The following IL6ST variants were observed in gnomAD, a reference collection of about 807,000 sequenced individuals.
IL6ST encodes the protein interleukin 6 cytokine family signal transducer.
IL6ST carries 24 observed loss-of-function variants against 91.3 expected under a neutral mutation model. The observed-to-expected ratio is 0.26, with a 90% CI of 0.19 to 0.37. The LOEUF (loss-of-function observed/expected upper bound fraction) is 0.37, where lower values mean the gene tolerates loss of function less well. Ranked by LOEUF, IL6ST falls within the 10% of genes least tolerant of loss-of-function variation. The pLI is 1.00. For synonymous variants in IL6ST, 351 were observed against 373.6 expected (o/e 0.94, Z 0.70); for missense variants, 914 against 1,078.5 (o/e 0.85, Z 2.14).
chr5:55,941,657 T>C lies in IL6ST; in HGVS notation c.2182A>G (p.Ile728Val), dbSNP rs1397668339. 6.2e-7 allele frequency: 1 copy of C among 1,614,144 alleles called. No individual in the cohort carries two copies. The highest frequency in any genetic ancestry group is 1.3e-5 in the African/African-American group (1 of 75,060). ...KINTEGHSSG[I>V]GGSSCMSSSR... is the part of the protein sequence containing the mutation. ...GATGACATGCATGAAGACCCCCCAATACCACTGCTGTGTCCTTCAGTATTA... is the reference window on the plus strand; with the variant it reads ...GATGACATGCATGAAGACCCCCCAACACCACTGCTGTGTCCTTCAGTATTA... Residue 728 changes from isoleucine to valine, a missense_variant, in exon 17 of 17, where the codon ATT becomes GTT. Physicochemically the swap from Ile to Val is conservative, Grantham distance 29. Transcript: ENST00000381298.
intron 2 of IL6ST, 81 bp downstream of exon 2, chr5:55,982,643 T>C: frequency 7.6e-6 from 3 of 396,440 alleles, no homozygotes; most frequent in Non-Finnish European, 1.3e-5. Flanking sequence ...TCCTAAAGAA[T>C]CAGGTGAGTA....
At chr5:55,967,841 G>A (rs1219363674) in intron 5 of IL6ST, among the ~76,000 whole-genome samples, 5 of 151,944 alleles carry the variant, frequency 3.3e-5, no homozygotes, top group Non-Finnish European at 7.4e-5. Flanking sequence ...CTGTTACCCA[G>A]GCTGGAGTGT....
At chr5:55,962,077 A>C (rs1220735723) in intron 7 of IL6ST, among the ~76,000 whole-genome samples, 1 of 152,256 alleles carries the variant, frequency 6.6e-6, no homozygotes, top group East Asian at 1.9e-4. Context: ...ATAACTGGTC[A>C]TATTACTCTG....
intron 14 of IL6ST, among the ~76,000 whole-genome samples, chr5:55,949,495 T>A (rs1332623320): frequency 6.6e-6 from 1 of 151,768 alleles, no homozygotes; most frequent in Non-Finnish European, 1.5e-5. Context: ...AAACAAAAAA[T>A]ATACATATGG....
At chr5:55,982,454 C>T (rs1328310342) in intron 2 of IL6ST, among the ~76,000 whole-genome samples, 2 of 152,104 alleles carry the variant, frequency 1.3e-5, no homozygotes, top group African/African-American at 4.8e-5. Flanking sequence ...TGTGAATAAA[C>T]TGCCAGAAGT....
At chr5:55,972,753 C>T (rs1047368471) in intron 3 of IL6ST, among the ~76,000 whole-genome samples, 1 of 151,862 alleles carries the variant, frequency 6.6e-6, no homozygotes, top group African/African-American at 2.4e-5. Context: ...GTCTGTAATC[C>T]CAGCACTTTG....
chr5:55,940,133 G>GTATATGTGTGTATA lies in IL6ST; in HGVS notation c.*948_*949insTATACACACATATA, dbSNP rs1554022476. 3.8e-5 allele frequency: 7 copies of GTATATGTGTGTATA among 183,860 alleles called. No homozygotes were observed. In the East Asian group the frequency reaches 5.8e-4, roughly 15 times the overall value. The allele number at this position is 183,860 out of a possible 1,614,324, so 11.4% of individuals were successfully genotyped here. A position where few individuals can be genotyped will look rare whatever the true frequency, so the allele number is the denominator to read the frequency against. ...TAAGAAAAGTCAATGATATGTGTGT[G>GTATATGTGTGTATA]TATATATATATATATATATACACAC... On this transcript the variant is annotated 3_prime_UTR_variant, in exon 17 of 17. Coordinates refer to ENST00000381298, the MANE Select transcript of IL6ST (RefSeq NM_002184.4).
At chr5:55,987,973 A>T (rs1418706568) in intron 1 of IL6ST, among the ~76,000 whole-genome samples, 2 of 152,162 alleles carry the variant, frequency 1.3e-5, no homozygotes, top group South Asian at 4.1e-4. Flanking sequence ...TCTACTAAAA[A>T]TATGAAAATT....
At position 55,940,208 on chromosome 5, in the gene IL6ST, GT is replaced by G. The variant is rs910226465; in HGVS notation, c.*873del. The G allele has an allele frequency of 7.7e-5, 16 of 207,422 alleles. No homozygotes were observed. The highest frequency in any genetic ancestry group is 3.8e-4 in the South Asian group (2 of 5,238). 12.8% of individuals were successfully genotyped at this position (207,422 alleles called of 1,614,324 possible). A position where few individuals can be genotyped will look rare whatever the true frequency, so the allele number is the denominator to read the frequency against. On this transcript the variant is annotated 3_prime_UTR_variant, in exon 17 of 17. Transcript: ENST00000381298. ...TGCCAATTTTTTAGATGCTTTATTG[GT>G]TTTTTTTCCCCTTTACTACTACTTC...
At chr5:55,989,461 C>T (rs913648791) in intron 1 of IL6ST, among the ~76,000 whole-genome samples, 2 of 152,100 alleles carry the variant, frequency 1.3e-5, no homozygotes, top group Admixed American at 1.3e-4. Flanking sequence ...AGATTAAGGA[C>T]CTAAATGCAA....
At chr5:55,974,674 C>A (rs949302091) in intron 3 of IL6ST, among the ~76,000 whole-genome samples, 6 of 152,084 alleles carry the variant, frequency 3.9e-5, no homozygotes, top group South Asian at 4.2e-4. Context: ...TTAGTAGATA[C>A]GGGGTTTTAC....
In IL6ST at chr5:55,951,922, T is replaced by G; in HGVS notation, c.1699+7A>C. 7.2e-7 allele frequency: 1 copy of G among 1,389,812 alleles called. No homozygotes were observed. Among genetic ancestry groups the G allele is most frequent in the Non-Finnish European group, 1.0e-6 (1 of 987,152 alleles). The allele number at this position is 1,389,812 out of a possible 1,614,324, so 86.1% of individuals were successfully genotyped here. ...CTGATTCTTAATAACTGATACAGTT[T>G]TATTACCAGTTTCATTTCCAATGAT... On this transcript the variant is annotated splice_region_variant and intron_variant, in intron 13 of 16. Transcript: ENST00000381298.
chr5:55,946,502 A>G (rs1047809194), intron 15 of IL6ST, among the ~76,000 whole-genome samples: 1 of 152,212 alleles, frequency 6.6e-6, no homozygotes. Flanking sequence ...CATACTACAG[A>G]ATACTGTTCA....
At chr5:55,957,013 C>T (rs775834572) in intron 9 of IL6ST, among the ~76,000 whole-genome samples, 196 bp downstream of exon 9, 7 of 151,906 alleles carry the variant, frequency 4.6e-5, no homozygotes, top group South Asian at 4.2e-4. Flanking sequence ...CAAAAATTAG[C>T]GGGGCGTGGT....
chr5:55,974,274 T>C (rs1284006434), intron 3 of IL6ST, among the ~76,000 whole-genome samples: 1 of 152,226 alleles, frequency 6.6e-6, no homozygotes, highest in Non-Finnish European at 1.5e-5. Flanking sequence ...ATCATTTTTA[T>C]AATGCTTACT....
chr5:55,950,562 CAAAA>C (rs954318396), intron 14 of IL6ST, among the ~76,000 whole-genome samples: 4 of 118,000 alleles, frequency 3.4e-5, no homozygotes, highest in Non-Finnish European at 7.1e-5. Context: ...AAAAAAAAAG[CAAAA>C]AAAGGAGAAG....
intron 1 of IL6ST, among the ~76,000 whole-genome samples, chr5:55,994,565 C>T (rs1012232650): frequency 2.0e-5 from 3 of 151,898 alleles, no homozygotes; most frequent in African/African-American, 7.3e-5. Context: ...GAAGTTTGTA[C>T]TCAGGGCTGC....
At chr5:55,985,532 A>T (rs541768774) in intron 1 of IL6ST, among the ~76,000 whole-genome samples, 64 of 151,786 alleles carry the variant, frequency 4.2e-4, no homozygotes, top group East Asian at 2.3e-3. Context: ...AAAAAAAAAA[A>T]ATATAAAAAA....
intron 3 of IL6ST, among the ~76,000 whole-genome samples, chr5:55,971,958 T>C (rs1018265424): frequency 1.3e-5 from 2 of 152,188 alleles, no homozygotes; most frequent in African/African-American, 2.4e-5. Context: ...CTGTAAATCT[T>C]AGTGCATATA....
Sources: allele counts gnomAD v4.1 joint callset (sites outside exome capture counted in the v4.1 genomes callset), GRCh38; gene constraint gnomAD v4.1.1; transcripts MANE v1.5; gene names NCBI Gene and HGNC (gene_info 2026-07-23, HGNC 2026-07-21).